Variants in SNTG1 observed in about 807,000 individuals in gnomAD.
The protein encoded by SNTG1 is gamma-1-syntrophin.
SNTG1 carries 39 observed loss-of-function variants against 74.7 expected under a neutral mutation model. That is an observed-to-expected ratio of 0.52 (90% CI 0.40 to 0.68). SNTG1 has a LOEUF of 0.68. Ranked by LOEUF, SNTG1 falls within the 30% of genes least tolerant of loss-of-function variation. The pLI, the probability that SNTG1 is intolerant of heterozygous loss-of-function variation, is 0.00. For missense variants in SNTG1, 685 were observed against 609.5 expected (o/e 1.12, Z -1.30); for synonymous variants, 254 against 217.1 (o/e 1.17, Z -1.49).
At chr8:50,294,173 C>T (rs1361914810) in intron 2 of SNTG1, among the ~76,000 whole-genome samples, 4 of 151,878 alleles carry the variant, frequency 2.6e-5, no homozygotes, top group Admixed American at 6.6e-5. Context: ...TTAAGATAAC[C>T]TAATATTATT....
intron 9 of SNTG1, among the ~76,000 whole-genome samples, chr8:50,520,622 G>C (rs187616355): frequency 2.6e-4 from 40 of 152,268 alleles, no homozygotes; most frequent in Admixed American, 1.4e-3. Flanking sequence ...GATATGAACA[G>C]ACACTTCTCA....
intron 17 of SNTG1, among the ~76,000 whole-genome samples, chr8:50,718,746 A>G (rs865918535): frequency 6.6e-6 from 1 of 152,240 alleles, no homozygotes; most frequent in Non-Finnish European, 1.5e-5. Flanking sequence ...ATTTGCATCA[A>G]TAAAGTTCAT....
At chr8:50,433,302 C>T (rs1023136385) in intron 4 of SNTG1, among the ~76,000 whole-genome samples, 11 of 151,908 alleles carry the variant, frequency 7.2e-5, no homozygotes, top group Admixed American at 6.6e-4. Flanking sequence ...AAAGATAGTC[C>T]TCTATTTTTG....
At chr8:50,262,456 G>T (rs1372095943) in intron 2 of SNTG1, among the ~76,000 whole-genome samples, 1 of 152,166 alleles carries the variant, frequency 6.6e-6, no homozygotes, top group East Asian at 1.9e-4. Flanking sequence ...TGTCACCCAG[G>T]CTGGAGTGAA....
intron 2 of SNTG1, among the ~76,000 whole-genome samples, chr8:50,205,485 T>A (rs972955378): frequency 6.6e-6 from 1 of 152,206 alleles, no homozygotes; most frequent in Admixed American, 6.5e-5. Context: ...CTTTGTCAGA[T>A]GGGTAGATTG....
intron 18 of SNTG1, among the ~76,000 whole-genome samples, chr8:50,779,797 G>T (rs1328640140): frequency 6.6e-6 from 1 of 152,024 alleles, no homozygotes; most frequent in Non-Finnish European, 1.5e-5. Context: ...CAAAGGGAAT[G>T]CTTCCAGTTT....
chr8:50,009,006 C>A (rs1471541823), intron 1 of SNTG1, among the ~76,000 whole-genome samples: 2 of 140,788 alleles, frequency 1.4e-5, no homozygotes, highest in Admixed American at 7.5e-5. Flanking sequence ...TATAGGGAAT[C>A]AATATCCCAG....
intron 2 of SNTG1, among the ~76,000 whole-genome samples, chr8:50,275,737 T>C (rs2088061565): frequency 6.6e-6 from 1 of 152,206 alleles, no homozygotes; most frequent in Non-Finnish European, 1.5e-5. Context: ...CATTAGTTAC[T>C]GTGGAAATTT....
intron 1 of SNTG1, among the ~76,000 whole-genome samples, chr8:49,980,903 A>C (rs1812617589): frequency 6.6e-6 from 1 of 152,042 alleles, no homozygotes; most frequent in Non-Finnish European, 1.5e-5. Context: ...CTTTTGCTTA[A>C]AAAAATCTTT....
chr8:49,975,883 A>G (rs1563419878), intron 1 of SNTG1, among the ~76,000 whole-genome samples: 1 of 152,052 alleles, frequency 6.6e-6, no homozygotes, highest in Admixed American at 6.6e-5. Flanking sequence ...ACTTTTCTTC[A>G]ACATTTTTTC....
At chr8:50,682,596 A>G (rs1360301259) in intron 15 of SNTG1, among the ~76,000 whole-genome samples, 4 of 152,190 alleles carry the variant, frequency 2.6e-5, no homozygotes, top group Non-Finnish European at 4.4e-5. Flanking sequence ...GGAGTTCACT[A>G]TATCTAACAC....
At position 49,921,852 on chromosome 8, in the gene SNTG1, TG is replaced by T. The variant is rs1806574818; in HGVS notation, c.-103+9622del. ...ATATACACATAAAATAGTCAATAGT[TG>T]CTCATTTGTTTTAGCCACTGAGAAT... On this transcript the variant is annotated intron_variant, in intron 1 of 18. Coordinates refer to ENST00000642720, the MANE Select transcript of SNTG1 (RefSeq NM_018967.5). Among the ~76,000 whole-genome samples, 3 of 152,178 alleles carry T rather than the reference TG, an allele frequency of 2.0e-5. No homozygotes were observed. The South Asian group carries it at 6.2e-4, about 32-fold the overall frequency.
intron 4 of SNTG1, among the ~76,000 whole-genome samples, chr8:50,403,595 T>A (rs553860678): frequency 1.3e-5 from 2 of 152,326 alleles, no homozygotes; most frequent in Non-Finnish European, 2.9e-5. Flanking sequence ...TATTATTGAT[T>A]TTAAACTTCA....
chr8:50,692,476 C>T (rs979958423), intron 15 of SNTG1, among the ~76,000 whole-genome samples: 2 of 152,172 alleles, frequency 1.3e-5, no homozygotes, highest in African/African-American at 4.8e-5. Context: ...GCAGACAGGA[C>T]CCTTAGCTGC....
chr8:50,221,744 G>A (rs893819884), intron 2 of SNTG1, among the ~76,000 whole-genome samples: 2 of 152,120 alleles, frequency 1.3e-5, no homozygotes, highest in African/African-American at 2.4e-5. Flanking sequence ...TATGTACAAT[G>A]TATAGTGGGC....
intron 15 of SNTG1, among the ~76,000 whole-genome samples, chr8:50,700,510 A>C (rs1000559062): frequency 3.3e-5 from 5 of 152,124 alleles, no homozygotes; most frequent in Non-Finnish European, 5.9e-5. Flanking sequence ...TAAAGCTTAG[A>C]GTCTATGCTG....
intron 1 of SNTG1, among the ~76,000 whole-genome samples, chr8:49,921,438 T>A (rs1339582930): frequency 2.0e-5 from 3 of 152,118 alleles, no homozygotes; most frequent in Admixed American, 2.0e-4. Context: ...ATGTTTGGAC[T>A]GTCAGATCCT....
intron 8 of SNTG1, among the ~76,000 whole-genome samples, chr8:50,478,389 A>G (rs2093713285): frequency 6.6e-6 from 1 of 152,150 alleles, no homozygotes; most frequent in Admixed American, 6.5e-5. Flanking sequence ...CTATTCATGC[A>G]TATTACCAAT....
intron 8 of SNTG1, among the ~76,000 whole-genome samples, chr8:50,481,008 T>G (rs1238854288): frequency 6.6e-6 from 1 of 152,212 alleles, no homozygotes; most frequent in Non-Finnish European, 1.5e-5. Context: ...AAAAGTTGTT[T>G]CTTGCCATAA....
Sources: gnomAD v4.1 joint callset for allele counts (sites outside exome capture counted in the v4.1 genomes callset) on GRCh38, gnomAD v4.1.1 for gene constraint, MANE v1.5 for transcripts, NCBI Gene and HGNC (gene_info 2026-07-23, HGNC 2026-07-21) for gene names.